Variants in SIN3A observed in about 807,000 individuals in gnomAD.
The protein encoded by SIN3A is paired amphipathic helix protein Sin3a.
In SIN3A, 14 loss-of-function variants were observed where a neutral mutation model predicts 146.1. The ratio of observed to expected loss-of-function variants is 0.10; its 90% confidence interval spans 0.06 to 0.15. The LOEUF (loss-of-function observed/expected upper bound fraction) is 0.15. Ranked by LOEUF, SIN3A falls within the 10% of genes least tolerant of loss-of-function variation. The pLI is 1.00. For missense variants in SIN3A, 1,028 were observed against 1,576.0 expected, an observed-to-expected ratio of 0.65 and a Z score of 5.89; for synonymous variants, 572 against 572.0, an observed-to-expected ratio of 1.00 and a Z score of 0.00.
chr15:75,375,056 T>C (rs1316943968), intron 20 of SIN3A, among the ~76,000 whole-genome samples: 5 of 152,164 alleles, frequency 3.3e-5, no homozygotes, highest in Non-Finnish European at 4.4e-5. Context: ...ATGTAAATAC[T>C]GGGAGTAAAT....
chr15:75,392,410 A>G lies in SIN3A; in HGVS notation c.2683T>C (p.Phe895Leu), dbSNP rs767997621. 12 of 1,614,126 alleles carry G rather than the reference A, an allele frequency of 7.4e-6. No homozygotes were observed. The highest frequency in any genetic ancestry group is 1.0e-5 in the Non-Finnish European group (12 of 1,180,054). ...LFYVNNNWYIFMRLHQILCLR... is the reference protein window; with the variant it reads ...LFYVNNNWYILMRLHQILCLR... ...CAGAGAATCTGGTGCAGTCGCATAA[A>G]AATATACCAGTTGTTGTTGACATAG... The change falls in exon 15 of 21, where the codon TTT (phenylalanine) becomes CTT (leucine). Residue 895 changes from phenylalanine (F) to leucine (L), a missense_variant. Physicochemically the swap from Phe to Leu is conservative, Grantham distance 22 (BLOSUM62 0). Coordinates refer to ENST00000394947, the MANE Select transcript of SIN3A (RefSeq NM_001145358.2).
At chr15:75,450,692 G>C (rs918861758) in intron 1 of SIN3A, among the ~76,000 whole-genome samples, 2 of 152,218 alleles carry the variant, frequency 1.3e-5, no homozygotes, top group Non-Finnish European at 2.9e-5. Flanking sequence ...CAGGCAGAAG[G>C]CATGACCCAG....
chr15:75,439,173 C>T (rs1057159455), intron 1 of SIN3A, among the ~76,000 whole-genome samples: 8 of 152,116 alleles, frequency 5.3e-5, no homozygotes, highest in African/African-American at 1.9e-4. Flanking sequence ...GTTGTCACAA[C>T]TCGGGAAGAT....
intron 3 of SIN3A, among the ~76,000 whole-genome samples, chr15:75,417,925 TG>T (rs1278909179): frequency 6.6e-6 from 1 of 152,216 alleles, no homozygotes; most frequent in African/African-American, 2.4e-5. Context: ...TCCCTTCCAG[TG>T]TAAGGACACA....
At position 75,409,956 on chromosome 15, in the gene SIN3A, A is replaced by C; in HGVS notation, c.1197T>G (p.Ser399=). Residue 399 remains serine, a synonymous_variant, in exon 8 of 21, where the codon TCT becomes TCG. Coordinates refer to ENST00000394947, the MANE Select transcript of SIN3A (RefSeq NM_001145358.2). ...LSKTTAEKVD[S]VRNDHGGTVK... ...CAGTGCCTCCATGATCATTTCTCAC[A>C]GAATCAACCTTCTCAGCAGTTGTTT... is the stretch of plus-strand genomic sequence containing the variant. 1 of 1,614,220 alleles carries C rather than the reference A, an allele frequency of 6.2e-7. No homozygotes were observed. Among genetic ancestry groups the C allele is most frequent in the South Asian group, 1.1e-5 (1 of 91,076 alleles).
intron 1 of SIN3A, among the ~76,000 whole-genome samples, chr15:75,445,318 T>A (rs150523030): frequency 7.1e-6 from 1 of 140,206 alleles, no homozygotes; most frequent in Non-Finnish European, 1.5e-5. Context: ...GAAGGGGAGA[T>A]TGCAGTGAGC....
intron 1 of SIN3A, among the ~76,000 whole-genome samples, chr15:75,450,700 C>T (rs1567440541): frequency 6.6e-6 from 1 of 152,242 alleles, no homozygotes; most frequent in Non-Finnish European, 1.5e-5. Flanking sequence ...AGGCATGACC[C>T]AGCCACAAGA....
intron 3 of SIN3A, among the ~76,000 whole-genome samples, chr15:75,418,899 C>G (rs1264479146): frequency 6.6e-6 from 1 of 152,092 alleles, no homozygotes; most frequent in African/African-American, 2.4e-5. Context: ...GGACTACAGG[C>G]GCCCGCCACC....
In SIN3A at chr15:75,414,328, T is replaced by C. The variant is rs528257431; in HGVS notation, c.367-17A>G. On this transcript the variant is annotated splice_polypyrimidine_tract_variant and intron_variant, in intron 3 of 20. Coordinates refer to ENST00000394947, the MANE Select transcript of SIN3A (RefSeq NM_001145358.2). ...ATCCTCCACCTGAGGCAGGGATAAA[T>C]ATCAAGGTTATAAAAAGAAAGTAAG... 3 of 1,361,074 alleles carry C rather than the reference T, an allele frequency of 2.2e-6. No individual in the cohort carries two copies. The South Asian group carries it at 5.4e-5, about 25-fold the overall frequency. The allele number at this position is 1,361,074 out of a possible 1,614,324, so 84.3% of individuals were successfully genotyped here.
At chr15:75,452,900 T>C (rs755628679), upstream of SIN3A, 1 of 152,258 alleles carries the variant, frequency 6.6e-6, no homozygotes, top group African/African-American at 2.4e-5. Context: ...GGAGTGTTAA[T>C]AGCAGTTCCT....
At chr15:75,398,543 C>T (rs990386458) in intron 12 of SIN3A, among the ~76,000 whole-genome samples, 1 of 151,820 alleles carries the variant, frequency 6.6e-6, no homozygotes, top group Non-Finnish European at 1.5e-5. Flanking sequence ...CCGGGTGTAG[C>T]GGCATACACC....
intron 2 of SIN3A, among the ~76,000 whole-genome samples, chr15:75,429,872 C>T (rs987958393): frequency 2.4e-4 from 37 of 151,686 alleles, no homozygotes; most frequent in African/African-American, 7.8e-4. Context: ...TCAAAAATAC[C>T]GAAACTAAAC....
Position 75,396,426 on chromosome 15 carries a change from C to A in SIN3A, c.1925G>T (p.Arg642Leu). The A allele has an allele frequency of 6.2e-7, 1 of 1,614,030 alleles. No individual in the cohort carries two copies. The highest frequency in any genetic ancestry group is 1.1e-5 in the South Asian group (1 of 91,068). The change falls in exon 13 of 21, where the codon CGC (arginine) becomes CTC (leucine). Residue 642 changes from arginine (R) to leucine (L), a missense_variant. By Grantham distance (102) the Arg-to-Leu change is moderately radical. Around this residue, in one of 9 missense-constraint regions of SIN3A, gnomAD observed 157 missense variants for 284.8 expected, o/e 0.55. Coordinates refer to ENST00000394947, the MANE Select transcript of SIN3A (RefSeq NM_001145358.2). ...TTTGGCTTGTTCTTCAGCAGACAAG[C>A]GGGAAAGCTTCTTCTGTATTGCTTC... ...VLEAIQKKLSRLSAEEQAKFR... is the reference protein window; with the variant it reads ...VLEAIQKKLSLLSAEEQAKFR...
chr15:75,409,578 T>A (rs77630629), intron 8 of SIN3A, among the ~76,000 whole-genome samples: 1 of 147,718 alleles, frequency 6.8e-6, no homozygotes, highest in Non-Finnish European at 1.5e-5. Context: ...AAAAAAAAAA[T>A]CAGCCCGGTA....
At chr15:75,383,097 C>G (rs1250726794) in intron 17 of SIN3A, among the ~76,000 whole-genome samples, 1 of 150,998 alleles carries the variant, frequency 6.6e-6, no homozygotes, top group Non-Finnish European at 1.5e-5. Context: ...CAAGAGTGAG[C>G]CTCCATCTCG....
At chr15:75,408,001 C>T (rs2073551367) in intron 8 of SIN3A, among the ~76,000 whole-genome samples, 1 of 150,252 alleles carries the variant, frequency 6.7e-6, no homozygotes, top group Admixed American at 6.6e-5. Flanking sequence ...ATAATCCTGT[C>T]AGGCAAGAAG....
intron 1 of SIN3A, among the ~76,000 whole-genome samples, chr15:75,434,886 T>A (rs376141073): frequency 5.2e-4 from 78 of 151,204 alleles, no homozygotes; most frequent in East Asian, 5.8e-4. Context: ...AGGCAGAGGC[T>A]GCAGTGAGCC....
At chr15:75,411,212 C>A (rs2073632593) in intron 6 of SIN3A, among the ~76,000 whole-genome samples, 1 of 152,020 alleles carries the variant, frequency 6.6e-6, no homozygotes, top group African/African-American at 2.4e-5. Flanking sequence ...CCTGTAATCC[C>A]AGCTACTAGG....
At chr15:75,420,004 G>A (rs150711769) in intron 3 of SIN3A, 1 of 151,896 alleles carries the variant, frequency 6.6e-6, no homozygotes, top group Non-Finnish European at 1.5e-5. Context: ...TACAGTTCTA[G>A]GTAGCACAAC....
Sources: allele counts gnomAD v4.1 joint callset (sites outside exome capture counted in the v4.1 genomes callset), GRCh38; gene constraint gnomAD v4.1.1; regional missense constraint gnomAD v4.1.1; transcripts MANE v1.5; gene names NCBI Gene and HGNC (gene_info 2026-07-23, HGNC 2026-07-21).